DCSTAMP: variants seen among roughly 807,000 people sequenced by gnomAD.
The protein encoded by DCSTAMP is dendrocyte expressed seven transmembrane protein.
Under a neutral mutation model 33.8 loss-of-function variants are expected in DCSTAMP, and 25 were observed. The ratio of observed to expected loss-of-function variants is 0.74; its 90% CI spans 0.54 to 1.03. DCSTAMP has a LOEUF of 1.03. Among genes scored for constraint, DCSTAMP ranks in the 50% least tolerant of loss-of-function variants. The probability of loss-of-function intolerance (pLI) is 0.00; values close to 1 mark genes in which losing one functional copy is unlikely to be tolerated. For synonymous variants in DCSTAMP, 245 were observed against 216.7 expected (o/e 1.13, Z -1.15); for missense variants, 531 against 556.8 (o/e 0.95, Z 0.47).
chr8:104,340,971 A>T (rs1016512097), intron 1 of DCSTAMP, among the ~76,000 whole-genome samples: 1 of 152,318 alleles, frequency 6.6e-6, no homozygotes, highest in East Asian at 1.9e-4. Context: ...AGCATAAGCC[A>T]TTGGCTTCTG....
chr8:104,349,470 C>G lies in DCSTAMP; in HGVS notation c.918C>G (p.Ile306Met), dbSNP rs1364705454. ...TCCCCATACTTATCCATCTCTGCATCTGGGTGCTGTTTGCAGCTGTAGATT... is the reference window on the plus strand; with the variant it reads ...TCCCCATACTTATCCATCTCTGCATGTGGGTGCTGTTTGCAGCTGTAGATT... ...FFLPILIHLC[I>M]WVLFAAVDYL... is the part of the protein sequence containing the mutation. Residue 306 changes from isoleucine to methionine, a missense_variant, in exon 2 of 4, where the codon ATC (isoleucine) becomes ATG (methionine). Physicochemically the swap from Ile to Met is conservative, Grantham distance 10. Transcript: ENST00000297581. The G allele has an allele frequency of 6.2e-7, 1 of 1,614,064 alleles. No individual in the cohort carries two copies. Among genetic ancestry groups the G allele is most frequent in the Admixed American group, 1.7e-5 (1 of 60,004 alleles).
chr8:104,351,712 T>C (rs1021699709), intron 2 of DCSTAMP, among the ~76,000 whole-genome samples: 3 of 152,224 alleles, frequency 2.0e-5, no homozygotes, highest in African/African-American at 7.2e-5. Context: ...ATTTGTAAGC[T>C]GTCATGGTGC....
chr8:104,353,502 GT>G (rs1810524391), intron 2 of DCSTAMP, among the ~76,000 whole-genome samples: 1 of 152,186 alleles, frequency 6.6e-6, no homozygotes, highest in African/African-American at 2.4e-5. Flanking sequence ...CAATCGATAT[GT>G]TTGTTTCTTC....
At chr8:104,354,254 G>C (rs1810549422) in intron 2 of DCSTAMP, among the ~76,000 whole-genome samples, 3 of 152,168 alleles carry the variant, frequency 2.0e-5, no homozygotes. Flanking sequence ...AGGGAATATA[G>C]TACACTAAAT....
chr8:104,348,450 T>A lies in DCSTAMP; in HGVS notation c.-12-91T>A. The A allele has an allele frequency of 3.8e-6, 5 of 1,322,968 alleles. No individual in the cohort carries two copies. In the South Asian group the frequency reaches 6.0e-5, roughly 16 times the overall value. 82.0% of individuals were successfully genotyped at this position (1,322,968 alleles called of 1,614,324 possible). A position where few individuals can be genotyped will look rare whatever the true frequency, so the allele number is the denominator to read the frequency against. ...GGAAGAGTAAAGAATTATGGCCACG[T>A]TTTTTGTAGTCAGTCTACCACCATG... On this transcript the variant is annotated intron_variant, in intron 1 of 3. Coordinates refer to ENST00000297581, the MANE Select transcript of DCSTAMP (RefSeq NM_030788.4).
chr8:104,347,043 G>A (rs114346056), intron 1 of DCSTAMP, among the ~76,000 whole-genome samples: 1,678 of 152,214 alleles, frequency 0.011, 21 homozygotes, highest in African/African-American at 0.038. Context: ...ATGATATAAC[G>A]CTTATTAGAT....
intron 2 of DCSTAMP, among the ~76,000 whole-genome samples, chr8:104,350,791 T>G (rs1810439550): frequency 6.6e-6 from 1 of 152,248 alleles, no homozygotes; most frequent in Admixed American, 6.5e-5. Flanking sequence ...GTCCTCAACC[T>G]TGGATACAGA....
intron 1 of DCSTAMP, among the ~76,000 whole-genome samples, chr8:104,347,235 CA>C (rs1810339082): frequency 6.6e-6 from 1 of 152,252 alleles, no homozygotes; most frequent in South Asian, 2.1e-4. Context: ...ATGATTATCT[CA>C]GTGACAAAAA....
At chr8:104,347,913 G>A (rs1432460740) in intron 1 of DCSTAMP, among the ~76,000 whole-genome samples, 2 of 152,148 alleles carry the variant, frequency 1.3e-5, no homozygotes, top group South Asian at 2.1e-4. Flanking sequence ...ATTCACAAGG[G>A]CTCTTATAAG....
intron 1 of DCSTAMP, among the ~76,000 whole-genome samples, chr8:104,342,673 C>A (rs1230796134): frequency 1.3e-5 from 2 of 152,194 alleles, no homozygotes. Flanking sequence ...GTGCTGCCTG[C>A]AGGGGACAGG....
chr8:104,348,594 T>C lies in DCSTAMP; in HGVS notation c.42T>C (p.Leu14=). Residue 14 remains leucine (L), a synonymous_variant, in exon 2 of 4, where the codon CTT becomes CTC. Transcript: ENST00000297581. The stretch of plus-strand genomic sequence containing the variant: ...CAGGCACTGATATCTTCCTAAGTCT[T>C]TGGGAGATTTACGTGTCTCCAAGAA... ...WTSGTDIFLS[L]WEIYVSPRSP... 1.2e-6 allele frequency: 2 copies of C among 1,614,170 alleles called. No individual in the cohort carries two copies. Among genetic ancestry groups the C allele is most frequent in the Non-Finnish European group, 1.7e-6 (2 of 1,180,024 alleles).
Position 104,349,016 on chromosome 8 carries a change from C to T in DCSTAMP, c.464C>T (p.Ala155Val), listed in dbSNP as rs1242656583. 1.2e-6 allele frequency: 2 copies of T among 1,614,194 alleles called. No individual in the cohort carries two copies. The highest frequency in any genetic ancestry group is 1.1e-5 in the South Asian group (1 of 91,084). ...GCAATTCAGTGGATTTATGGCCTTG[C>T]CACTCCACTAAGTGTATTTGATGAC... Reference protein sequence around the residue: ...IEAIQWIYGLATPLSVFDDLV... With the variant: ...IEAIQWIYGLVTPLSVFDDLV... The change falls in exon 2 of 4, where the codon GCC (alanine) becomes GTC (valine). Residue 155 changes from alanine (A) to valine (V), a missense_variant. Transcript: ENST00000297581.
At position 104,355,190 on chromosome 8, in the gene DCSTAMP, G is replaced by A; in HGVS notation, c.1338+5G>A. On this transcript the variant is annotated splice_donor_5th_base_variant and intron_variant, in intron 3 of 3. Transcript: ENST00000297581. ...CTGAGTCTCTATCTTACAAAGGTAA[G>A]GCCAAGATGGTGGTGTAACCTCCAA... 2 of 1,604,376 alleles carry A rather than the reference G, an allele frequency of 1.2e-6. No individual in the cohort carries two copies. The highest frequency in any genetic ancestry group is 1.7e-6 in the Non-Finnish European group (2 of 1,175,910).
intron 1 of DCSTAMP, among the ~76,000 whole-genome samples, chr8:104,344,644 A>T (rs1810246651): frequency 6.6e-6 from 1 of 152,184 alleles, no homozygotes; most frequent in African/African-American, 2.4e-5. Context: ...CCCTCCAGTG[A>T]TCACGTACTC....
intron 2 of DCSTAMP, among the ~76,000 whole-genome samples, chr8:104,350,680 T>TTA (rs1246412102): frequency 5.9e-5 from 9 of 152,202 alleles, no homozygotes; most frequent in African/African-American, 1.9e-4. Context: ...GGAGAGCATT[T>TTA]TAAATGAGCA....
At chr8:104,356,003 C>T in intron 3 of DCSTAMP, 121 bp from the exon 4 acceptor site, 2 of 812,588 alleles carry the variant, frequency 2.5e-6, no homozygotes, top group Non-Finnish European at 3.8e-6. Context: ...ATAAGCTTGT[C>T]TATTTCAGTC....
chr8:104,350,558 G>GT (rs1810432047), intron 2 of DCSTAMP, among the ~76,000 whole-genome samples: 2 of 152,184 alleles, frequency 1.3e-5, no homozygotes, highest in African/African-American at 2.4e-5. Context: ...CTACACTTCG[G>GT]TTTTTTGAGA....
At chr8:104,344,557 T>C (rs1484492266) in intron 1 of DCSTAMP, among the ~76,000 whole-genome samples, 1 of 152,100 alleles carries the variant, frequency 6.6e-6, no homozygotes, top group Non-Finnish European at 1.5e-5. Context: ...CAGCAGCACC[T>C]GGGAAATTGT....
chr8:104,348,958 A>G lies in DCSTAMP; in HGVS notation c.406A>G (p.Ile136Val). ...TCNLRAKSFSIHFPLLKKYIE... is the reference protein window; with the variant it reads ...TCNLRAKSFSVHFPLLKKYIE... Reference sequence around the variant, plus strand: ...CAACCTAAGGGCAAAGAGCTTTTCCATACATTTTCCACTTTTGAAAAAATA... The same window carrying G: ...CAACCTAAGGGCAAAGAGCTTTTCCGTACATTTTCCACTTTTGAAAAAATA... Residue 136 changes from isoleucine to valine, a missense_variant, in exon 2 of 4, where the codon ATA becomes GTA. Physicochemically the swap from Ile to Val is conservative, Grantham distance 29. Transcript: ENST00000297581. 1 of 1,614,234 alleles carries G rather than the reference A, an allele frequency of 6.2e-7. No homozygotes were observed. The highest frequency in any genetic ancestry group is 2.2e-5 in the East Asian group (1 of 44,886).
Sources: gnomAD v4.1 joint callset for allele counts (sites outside exome capture counted in the v4.1 genomes callset) on GRCh38, gnomAD v4.1.1 for gene constraint, MANE v1.5 for transcripts, NCBI Gene and HGNC (gene_info 2026-07-23, HGNC 2026-07-21) for gene names.